DNAJC11: variants seen among roughly 807,000 people sequenced by gnomAD.
DNAJC11 encodes DnaJ heat shock protein family (Hsp40) member C11.
In DNAJC11, 15 loss-of-function variants were observed where a neutral mutation model predicts 78.6. The observed-to-expected ratio is 0.19, with a 90% CI of 0.13 to 0.29. The LOEUF (loss-of-function observed/expected upper bound fraction) is 0.29, where lower values mean the gene tolerates loss of function less well. Among genes scored for constraint, DNAJC11 ranks in the 10% least tolerant of loss-of-function variants. DNAJC11 has a pLI of 1.00. For missense variants in DNAJC11, 547 were observed against 709.6 expected (o/e 0.77, Z 2.60); for synonymous variants, 292 against 272.1 (o/e 1.07, Z -0.72).
rs983887291 is a variant in DNAJC11, at chr1:6,636,317, G to A, written c.1525-71C>T. Reference sequence around the variant, plus strand: ...ACCAGCACTCCTCCTCACTACCACCGGAGGGGCAGTGTGCACAGGCTCTGA... The same window carrying A: ...ACCAGCACTCCTCCTCACTACCACCAGAGGGGCAGTGTGCACAGGCTCTGA... On this transcript the variant is annotated intron_variant, in intron 14 of 15. Transcript: ENST00000377577. 5.3e-5 allele frequency: 84 copies of A among 1,580,110 alleles called. No homozygotes were observed. In the Admixed American group the frequency reaches 8.6e-4, roughly 16 times the overall value.
intron 3 of DNAJC11, among the ~76,000 whole-genome samples, chr1:6,673,690 T>TA (rs1642417388): frequency 6.6e-6 from 1 of 152,262 alleles, no homozygotes; most frequent in South Asian, 2.1e-4. Flanking sequence ...AGGGTTCAGA[T>TA]TTCACTAGAT....
chr1:6,667,212 C>A (rs1388976222), intron 4 of DNAJC11, among the ~76,000 whole-genome samples: 2 of 152,174 alleles, frequency 1.3e-5, no homozygotes, highest in East Asian at 3.9e-4. Flanking sequence ...TGAGCAGGGA[C>A]TTCTGCTCAA....
chr1:6,642,857 G>A (rs1436612778), intron 10 of DNAJC11, among the ~76,000 whole-genome samples: 1 of 152,134 alleles, frequency 6.6e-6, no homozygotes, highest in Non-Finnish European at 1.5e-5. Flanking sequence ...TATATGAGCT[G>A]GAGATTGAGG....
chr1:6,648,645 C>G (rs779030083), intron 7 of DNAJC11, among the ~76,000 whole-genome samples: 2 of 152,006 alleles, frequency 1.3e-5, no homozygotes, highest in African/African-American at 2.4e-5. Flanking sequence ...TTTGTAGAGT[C>G]AAGGTTTTGC....
rs886283367 is a variant in DNAJC11, at chr1:6,645,442, A to G, written c.895-316T>C. On this transcript the variant is annotated intron_variant, in intron 8 of 15. Transcript: ENST00000377577. This position sits in a 1 kb window ranked among gnomAD's most constrained non-coding sequence, Gnocchi z 4.1. Reference sequence around the variant, plus strand: ...GTGGCCCGTGTGGGGCTTCTCATGTACCAGCCCTGGTGTGGCCACAGGGGC... The same window carrying G: ...GTGGCCCGTGTGGGGCTTCTCATGTGCCAGCCCTGGTGTGGCCACAGGGGC... Among the ~76,000 whole-genome samples the G allele has an allele frequency of 6.6e-6, 1 of 152,184 alleles. No individual in the cohort carries two copies. The highest frequency in any genetic ancestry group is 1.5e-5 in the Non-Finnish European group (1 of 68,024).
intron 4 of DNAJC11, among the ~76,000 whole-genome samples, chr1:6,662,537 C>T (rs1156678562): frequency 1.3e-5 from 2 of 152,036 alleles, no homozygotes; most frequent in African/African-American, 4.8e-5. Context: ...CAAATGTTAC[C>T]AATCAGCACT....
intron 7 of DNAJC11, 118 bp downstream of exon 7, chr1:6,651,411 C>T: frequency 5.8e-6 from 5 of 863,208 alleles, no homozygotes; most frequent in Non-Finnish European, 9.4e-6. Flanking sequence ...TTGATGTACG[C>T]AGTGACCTTG....
intron 15 of DNAJC11, 78 bp from the exon 16 acceptor site, chr1:6,635,778 T>A: frequency 6.4e-7 from 1 of 1,554,900 alleles, no homozygotes; most frequent in Non-Finnish European, 8.8e-7. Flanking sequence ...GGCTCAGCAG[T>A]CACCCGGACC....
intron 3 of DNAJC11, among the ~76,000 whole-genome samples, chr1:6,670,193 C>T (rs1015088227): frequency 3.3e-5 from 5 of 152,086 alleles, no homozygotes; most frequent in South Asian, 4.1e-4. Context: ...CTCCTGACCT[C>T]GTGATCCGCC....
intron 1 of DNAJC11, among the ~76,000 whole-genome samples, chr1:6,699,117 CAG>C (rs939666238): frequency 2.0e-5 from 3 of 151,784 alleles, no homozygotes; most frequent in Admixed American, 6.6e-5. Flanking sequence ...CTGGGCAACA[CAG>C]AGAGACCCTG....
At chr1:6,683,549 T>C (rs1192446673) in intron 1 of DNAJC11, among the ~76,000 whole-genome samples, 1 of 152,218 alleles carries the variant, frequency 6.6e-6, no homozygotes, top group Non-Finnish European at 1.5e-5. Flanking sequence ...TTCTGAGTCT[T>C]TGTGAGGCGT....
intron 12 of DNAJC11, chr1:6,637,757 G>GA (rs1402310408): frequency 1.0e-5 from 6 of 576,006 alleles, no homozygotes; most frequent in Non-Finnish European, 1.5e-5. Flanking sequence ...CCACCGGTGG[G>GA]AGCTCCCTTT....
chr1:6,638,488 T>C, intron 11 of DNAJC11, 124 bp from the exon 12 acceptor site: 3 of 796,416 alleles, frequency 3.8e-6, no homozygotes, highest in Non-Finnish European at 3.7e-6. Context: ...AGTTCAGTTG[T>C]AGAACTTTAA....
intron 1 of DNAJC11, among the ~76,000 whole-genome samples, chr1:6,690,264 CTTA>C (rs1642723991): frequency 6.6e-6 from 1 of 152,176 alleles, no homozygotes; most frequent in Non-Finnish European, 1.5e-5. Context: ...AAAAGCCTTC[CTTA>C]TTAATGGCTA....
intron 14 of DNAJC11, among the ~76,000 whole-genome samples, chr1:6,636,975 A>C (rs1292940475): frequency 2.0e-5 from 3 of 152,138 alleles, no homozygotes; most frequent in African/African-American, 7.2e-5. Context: ...CAGCCTCCCG[A>C]ACAGCTGGGA....
intron 7 of DNAJC11, among the ~76,000 whole-genome samples, chr1:6,648,559 C>T (rs12140079): frequency 0.018 from 2,700 of 152,216 alleles, 48 homozygotes; most frequent in South Asian, 0.074. Flanking sequence ...TGGCCTCAAG[C>T]GATCCTCCCA....
chr1:6,663,597 G>A lies in DNAJC11; in HGVS notation c.378+4112C>T, dbSNP rs369566350. Among the ~76,000 whole-genome samples, 4 of 152,328 alleles carry A rather than the reference G, an allele frequency of 2.6e-5. No individual in the cohort carries two copies. In the East Asian group the frequency reaches 5.8e-4, roughly 22 times the overall value. On this transcript the variant is annotated intron_variant, in intron 4 of 15. Transcript: ENST00000377577. ...AAACAGAAATCCGAAGATGGCAGGA[G>A]GATGCCCAGGGTGGTCCAGTCAGGT...
chr1:6,666,437 A>G (rs1472495050), intron 4 of DNAJC11, among the ~76,000 whole-genome samples: 2 of 138,616 alleles, frequency 1.4e-5, no homozygotes, highest in Non-Finnish European at 1.5e-5. Context: ...TCCAGGCTGG[A>G]ATGCAGTGGC....
intron 7 of DNAJC11, among the ~76,000 whole-genome samples, chr1:6,650,598 G>A (rs1642039547): frequency 6.6e-6 from 1 of 152,094 alleles, no homozygotes; most frequent in Non-Finnish European, 1.5e-5. Context: ...AATAGGCCAG[G>A]CGTGGTGGCT....
Sources: allele counts gnomAD v4.1 joint callset (sites outside exome capture counted in the v4.1 genomes callset), GRCh38; gene constraint gnomAD v4.1.1; non-coding constraint Gnocchi (gnomAD v3.1); transcripts MANE v1.5; gene names NCBI Gene and HGNC (gene_info 2026-07-23, HGNC 2026-07-21).